TYROBP: variants seen among roughly 807,000 people sequenced by gnomAD.
The protein encoded by TYROBP is TYRO protein tyrosine kinase-binding protein.
TYROBP carries 14 observed loss-of-function variants against 17.1 expected under a neutral mutation model. The observed-to-expected ratio is 0.82, with a 90% CI of 0.54 to 1.28. TYROBP has a LOEUF of 1.28. Among genes scored for constraint, TYROBP ranks in the 50% most tolerant of loss-of-function variants. TYROBP has a pLI of 0.00. For missense variants in TYROBP, 161 were observed against 151.4 expected, an observed-to-expected ratio of 1.06 and a Z score of -0.33; for synonymous variants, 73 against 67.4, an observed-to-expected ratio of 1.08 and a Z score of -0.41.
Position 35,908,223 on chromosome 19 carries a change from C to T in TYROBP, c.6G>A (p.Gly2=), listed in dbSNP as rs1312866595. 1.9e-6 allele frequency: 3 copies of T among 1,613,962 alleles called. No homozygotes were observed. Among genetic ancestry groups the T allele is most frequent in the Admixed American group, 3.3e-5 (2 of 59,992 alleles). The change falls in exon 1 of 5, where the codon GGG becomes GGA. Residue 2 remains glycine, a synonymous_variant. Transcript: ENST00000262629. M[G]GLEPCSRLLL... ...GGAGCCTGCTGCAGGGTTCAAGTCC[C>T]CCCATGAAGCCGGATGCTGCTGGAC...
chr19:35,907,305 G>T, intron 3 of TYROBP, 41 bp from the exon 4 acceptor site: 2 of 1,611,794 alleles, frequency 1.2e-6, no homozygotes, highest in Non-Finnish European at 1.7e-6. Context: ...GACAGGCAGA[G>T]TGGTGAGTTG....
intron 4 of TYROBP, among the ~76,000 whole-genome samples, chr19:35,905,224 T>C (rs1412375451): frequency 2.6e-5 from 4 of 152,222 alleles, no homozygotes; most frequent in Admixed American, 1.3e-4. Flanking sequence ...CTGAGATTCT[T>C]AGACTTCACA....
chr19:35,907,085 C>T lies in TYROBP; in HGVS notation c.276+133G>A, dbSNP rs1313977868. The T allele has an allele frequency of 2.2e-5, 19 of 870,326 alleles. No individual in the cohort carries two copies. In the East Asian group the frequency reaches 4.5e-4, roughly 21 times the overall value. 53.9% of individuals were successfully genotyped at this position (870,326 alleles called of 1,614,324 possible). ...ATTCGGCCCAGTTTTGGACAGATGTCCCATGTGCCTTCAAGGTTTGGGGGT... is the reference window on the plus strand; with the variant it reads ...ATTCGGCCCAGTTTTGGACAGATGTTCCATGTGCCTTCAAGGTTTGGGGGT... On this transcript the variant is annotated intron_variant, in intron 4 of 4. Transcript: ENST00000262629.
intron 4 of TYROBP, among the ~76,000 whole-genome samples, chr19:35,906,918 G>T (rs1232406634): frequency 6.6e-6 from 1 of 151,872 alleles, no homozygotes; most frequent in Non-Finnish European, 1.5e-5. Context: ...TAGAGACAGG[G>T]TTTCACCATG....
chr19:35,907,222 T>C lies in TYROBP; in HGVS notation c.272A>G (p.Tyr91Cys). The C allele has an allele frequency of 6.2e-7, 1 of 1,602,718 alleles. No individual in the cohort carries two copies. The highest frequency in any genetic ancestry group is 8.5e-7 in the Non-Finnish European group (1 of 1,175,120). The change falls in exon 4 of 5, where the codon TAT becomes TGT. Residue 91 changes from tyrosine (Y) to cysteine (C), a missense_variant. Transcript: ENST00000262629. ...KQRITETESP[Y>C]QELQGQRSDV... ...AGGACAGTCTGGTTTTCTCACCTGA[T>C]AAGGCGACTCGGTCTCAGTGATACG...
rs546257418 is a variant in TYROBP, at chr19:35,907,479, G to A, written c.196C>T (p.Arg66Trp). 4.2e-5 allele frequency: 68 copies of A among 1,612,944 alleles called. No homozygotes were observed. The highest frequency in any genetic ancestry group is 5.0e-5 in the Non-Finnish European group (59 of 1,179,796). The change falls in exon 3 of 5, where the codon CGG becomes TGG. Residue 66 changes from arginine (R) to tryptophan (W), a missense_variant. Physicochemically the swap from Arg to Trp is moderately radical, Grantham distance 101. Coordinates refer to ENST00000262629, the MANE Select transcript of TYROBP (RefSeq NM_003332.4). ...GCCCCTCGCCCCCGAGGGACCAGCC[G>A]GCCCAGGAAGTACACGGCCAGGGCA... ...LIALAVYFLG[R>W]LVPRGRGAAE... is the part of the protein sequence containing the mutation.
intron 1 of TYROBP, 110 bp from the exon 2 acceptor site, chr19:35,907,872 G>A: frequency 8.6e-7 from 1 of 1,168,348 alleles, no homozygotes; most frequent in Non-Finnish European, 1.3e-6. Context: ...GTTAGCAAGG[G>A]GGAGAGCGTG....
intron 4 of TYROBP, among the ~76,000 whole-genome samples, chr19:35,905,926 C>A: frequency 6.8e-6 from 1 of 147,042 alleles, no homozygotes; most frequent in Admixed American, 6.8e-5. Flanking sequence ...GCACTCCAGC[C>A]TGGGTGACAG....
chr19:35,906,791 G>A (rs1975735896), intron 4 of TYROBP, among the ~76,000 whole-genome samples: 2 of 150,298 alleles, frequency 1.3e-5, no homozygotes, highest in Non-Finnish European at 3.0e-5. Flanking sequence ...GCAATTGCGT[G>A]ATCTTGGCTC....
intron 1 of TYROBP, 35 bp downstream of exon 1, chr19:35,908,133 G>C: frequency 6.2e-7 from 1 of 1,601,410 alleles, no homozygotes; most frequent in Admixed American, 1.7e-5. Flanking sequence ...TGAGCCCAGG[G>C]ACCCGGGAGG....
intron 4 of TYROBP, among the ~76,000 whole-genome samples, chr19:35,906,812 C>T (rs1224913818): frequency 6.6e-6 from 1 of 151,854 alleles, no homozygotes; most frequent in Non-Finnish European, 1.5e-5. Context: ...ACTGCAACCT[C>T]CGCCTCCTGG....
intron 4 of TYROBP, among the ~76,000 whole-genome samples, chr19:35,905,673 G>C (rs1002399693): frequency 2.3e-4 from 34 of 150,676 alleles, no homozygotes; most frequent in Non-Finnish European, 3.0e-5. Context: ...AAAAAATTAA[G>C]GCCGGGCGCG....
chr19:35,907,661 G>A (rs1025192583), intron 2 of TYROBP, 69 bp downstream of exon 2: 4 of 1,613,076 alleles, frequency 2.5e-6, no homozygotes, highest in South Asian at 2.2e-5. Flanking sequence ...GTTTGGAAAG[G>A]GTGTGGGAGA....
rs1324715030 is a variant in TYROBP at position 35,907,507 on chromosome 19, G to A, written c.168C>T (p.Leu56=). The A allele has an allele frequency of 1.9e-6, 3 of 1,613,720 alleles. No individual in the cohort carries two copies. Among genetic ancestry groups the A allele is most frequent in the Non-Finnish European group, 2.5e-6 (3 of 1,179,756 alleles). ...CCAGGAAGTACACGGCCAGGGCAAT[G>A]AGCACTGTCAGCACCAGGTCTCCCA... is the stretch of plus-strand genomic sequence containing the variant. ...IVMGDLVLTV[L]IALAVYFLGR... Residue 56 remains leucine, a synonymous_variant, in exon 3 of 5, where the codon CTC becomes CTT. Coordinates refer to ENST00000262629, the MANE Select transcript of TYROBP (RefSeq NM_003332.4).
chr19:35,906,768 C>T (rs1168119735), intron 4 of TYROBP, among the ~76,000 whole-genome samples: 6 of 148,980 alleles, frequency 4.0e-5, no homozygotes, highest in Non-Finnish European at 7.4e-5. Context: ...CCTCTTGTTG[C>T]CCAGGCTGGA....
chr19:35,906,349 A>G (rs949631754), intron 4 of TYROBP, among the ~76,000 whole-genome samples: 5 of 152,028 alleles, frequency 3.3e-5, no homozygotes, highest in African/African-American at 1.2e-4. Flanking sequence ...TTGGCCTCCC[A>G]AAGTGCTGGG....
rs778590214 is a variant in TYROBP at position 35,904,546 on chromosome 19, T to C, written c.*23A>G. ...GGAATGGCTGGATCCAGGTATCATG[T>C]TGCTGACTGTCATGATTCGGGCTCA... is the stretch of plus-strand genomic sequence containing the variant. On this transcript the variant is annotated 3_prime_UTR_variant, in exon 5 of 5. Transcript: ENST00000262629. 1.9e-6 allele frequency: 3 copies of C among 1,611,844 alleles called. No homozygotes were observed. In the Admixed American group the frequency reaches 5.0e-5, roughly 27 times the overall value.
intron 3 of TYROBP, 60 bp downstream of exon 3, chr19:35,907,386 C>A: frequency 8.1e-6 from 11 of 1,359,664 alleles, no homozygotes; most frequent in Non-Finnish European, 1.1e-5. Context: ...TGGGAGTTTA[C>A]CCAGCCCCCC....
At chr19:35,904,669 A>G (rs756499489) in intron 4 of TYROBP, 35 bp from the exon 5 acceptor site, 1 of 1,600,146 alleles carries the variant, frequency 6.2e-7, no homozygotes, top group Non-Finnish European at 8.5e-7. Context: ...GAAGGGACCC[A>G]CCAAATAAAA....
Sources: gnomAD v4.1 joint callset for allele counts (sites outside exome capture counted in the v4.1 genomes callset) on GRCh38, gnomAD v4.1.1 for gene constraint, MANE v1.5 for transcripts, NCBI Gene and HGNC (gene_info 2026-07-23, HGNC 2026-07-21) for gene names.